PVT1: variants seen among roughly 807,000 people sequenced by gnomAD.
The protein encoded by PVT1 is CXCR4/PVT1 fusion.
chr8:128,055,090 T>G (rs1813747665), intron 4 of PVT1, among the ~76,000 whole-genome samples: 1 of 152,128 alleles, frequency 6.6e-6, no homozygotes, highest in East Asian at 1.9e-4. Context: ...CCCTGTAGAA[T>G]TTAGACTTAA....
chr8:128,045,600 A>G (rs1240379090), intron 4 of PVT1, among the ~76,000 whole-genome samples: 1 of 152,166 alleles, frequency 6.6e-6, no homozygotes, highest in Non-Finnish European at 1.5e-5. Context: ...ATTTGTTGGT[A>G]TTTTCTACCC....
rs548871850 is a variant in PVT1, at chr8:127,888,554, C to T, written n.373-2035C>T. 9.8e-5 allele frequency among the ~76,000 whole-genome samples: 15 copies of T among 152,304 alleles called. No individual in the cohort carries two copies. In the South Asian group the frequency reaches 2.7e-3, roughly 27 times the overall value. ...GTAAGGCTAAGGACCCTGAGGTGGA[C>T]GGATGATTTTGGATCATCTGGGTGA... On this transcript the variant is annotated intron_variant and non_coding_transcript_variant, in intron 2 of 10. Coordinates refer to ENST00000651587, the Ensembl canonical transcript of PVT1.
At chr8:127,961,855 C>T (rs1816647044) in intron 3 of PVT1, among the ~76,000 whole-genome samples, 1 of 152,230 alleles carries the variant, frequency 6.6e-6, no homozygotes, top group South Asian at 2.1e-4. Context: ...GAGTCTGACT[C>T]CTGGTTTCTG....
chr8:128,056,338 C>T (rs1408237362), intron 4 of PVT1, among the ~76,000 whole-genome samples: 2 of 152,168 alleles, frequency 1.3e-5, no homozygotes, highest in Non-Finnish European at 2.9e-5. Context: ...CATGTATTTA[C>T]ATTTGAATGT....
intron 4 of PVT1, among the ~76,000 whole-genome samples, chr8:127,989,563 A>G (rs951009604): frequency 6.6e-6 from 1 of 152,190 alleles, no homozygotes; most frequent in Non-Finnish European, 1.5e-5. Context: ...CACTTGTAGC[A>G]GAAGGTGCAG....
intron 4 of PVT1, among the ~76,000 whole-genome samples, chr8:127,999,569 C>T (rs527860841): frequency 1.3e-5 from 2 of 152,090 alleles, no homozygotes; most frequent in African/African-American, 2.4e-5. Flanking sequence ...TCAAGCGATC[C>T]TCCTGCGTCA....
chr8:127,987,898 C>T (rs1164242675), intron 3 of PVT1, among the ~76,000 whole-genome samples: 7 of 152,236 alleles, frequency 4.6e-5, no homozygotes, highest in East Asian at 1.9e-4. Flanking sequence ...CATCTTTCTG[C>T]GTGCCTAGCT....
intron 4 of PVT1, among the ~76,000 whole-genome samples, chr8:127,999,567 T>A (rs1817150833): frequency 6.6e-6 from 1 of 152,014 alleles, no homozygotes; most frequent in African/African-American, 2.4e-5. Context: ...GTTCAAGCGA[T>A]CCTCCTGCGT....
chr8:128,068,744 G>T (rs140542516), intron 4 of PVT1, among the ~76,000 whole-genome samples: 1 of 152,120 alleles, frequency 6.6e-6, no homozygotes, highest in African/African-American at 2.4e-5. Context: ...CACCTGTCTC[G>T]GCCTCTCAAA....
chr8:127,839,199 C>T (rs941324725), intron 2 of PVT1, among the ~76,000 whole-genome samples: 6 of 152,152 alleles, frequency 3.9e-5, no homozygotes, highest in Non-Finnish European at 7.3e-5. Flanking sequence ...CCCCATTTTA[C>T]AGATGAAGGA....
intron 2 of PVT1, among the ~76,000 whole-genome samples, chr8:127,847,107 A>G (rs559137282): frequency 8.0e-5 from 12 of 149,658 alleles, no homozygotes; most frequent in Admixed American, 1.4e-4. Flanking sequence ...GGTTCAAGCA[A>G]TTCTCCTGCC....
intron 3 of PVT1, among the ~76,000 whole-genome samples, chr8:127,983,706 A>G (rs1816909961): frequency 6.6e-6 from 1 of 152,150 alleles, no homozygotes; most frequent in African/African-American, 2.4e-5. Flanking sequence ...CTGTATAATT[A>G]TCAAACTCAG....
rs151058674 is a variant in PVT1, at chr8:128,021,613, T to G, written n.912+32322T>G. ...CGGCCTGTCTGGGCCATCTTTATAC[T>G]CAGTATAATCAGTCCCCACAAACAG... On this transcript the variant is annotated intron_variant and non_coding_transcript_variant, in intron 4 of 10. Transcript: ENST00000651587. Among the ~76,000 whole-genome samples the G allele has an allele frequency of 7.6e-3, 1,154 of 152,220 alleles. 12 individuals are homozygous for G. The highest frequency in any genetic ancestry group is 8.7e-3 in the Non-Finnish European group (593 of 68,014).
At chr8:128,042,026 C>T (rs1813551716) in intron 4 of PVT1, among the ~76,000 whole-genome samples, 1 of 152,226 alleles carries the variant, frequency 6.6e-6, no homozygotes, top group Non-Finnish European at 1.5e-5. Flanking sequence ...GTTCCCCTAA[C>T]CTCCAGTCTC....
At chr8:128,097,982 G>A (rs1000875815) in intron 6 of PVT1, among the ~76,000 whole-genome samples, 1 of 152,054 alleles carries the variant, frequency 6.6e-6, no homozygotes, top group South Asian at 2.1e-4. Context: ...TGCCCTACCC[G>A]GCACCTGGAA....
At chr8:127,946,420 T>A (rs1036060274) in intron 3 of PVT1, 5 of 152,194 alleles carry the variant, frequency 3.3e-5, no homozygotes, top group African/African-American at 1.2e-4. Flanking sequence ...TGTTTCCAAG[T>A]AGCTGGTTAT....
At chr8:128,059,065 T>G (rs1259043754) in intron 4 of PVT1, among the ~76,000 whole-genome samples, 3 of 152,132 alleles carry the variant, frequency 2.0e-5, no homozygotes. Flanking sequence ...GGAGCCCAAG[T>G]GAGTCAGTTC....
At chr8:127,865,414 G>A (rs1339402787) in intron 2 of PVT1, among the ~76,000 whole-genome samples, 1 of 152,160 alleles carries the variant, frequency 6.6e-6, no homozygotes, top group African/African-American at 2.4e-5. Context: ...TAAAGTCACA[G>A]GTGGAATTAA....
intron 3 of PVT1, among the ~76,000 whole-genome samples, chr8:127,959,963 GTCTGCACTTACT>G (rs1169484553): frequency 6.6e-5 from 10 of 152,314 alleles, no homozygotes; most frequent in Admixed American, 5.9e-4. Flanking sequence ...TTTCATGTAT[GTCTGCACTTACT>G]TCTGGCCTTC....
Sources: allele counts gnomAD v4.1 joint callset (sites outside exome capture counted in the v4.1 genomes callset), GRCh38; gene constraint gnomAD v4.1.1; transcripts MANE v1.5; gene names NCBI Gene and HGNC (gene_info 2026-07-23, HGNC 2026-07-21).